DPP10: variants seen among roughly 807,000 people sequenced by gnomAD.
DPP10 encodes the protein dipeptidyl peptidase like 10.
In DPP10, 33 loss-of-function variants were observed where a neutral mutation model predicts 120.9. That is an observed-to-expected ratio of 0.27 (90% CI 0.21 to 0.37). DPP10 has a LOEUF of 0.37. DPP10 is among the 10% of genes least tolerant of loss of function. The pLI is 1.00. For missense variants in DPP10, 816 were observed against 942.8 expected, an observed-to-expected ratio of 0.87 and a Z score of 1.76; for synonymous variants, 337 against 326.1, an observed-to-expected ratio of 1.03 and a Z score of -0.36.
At chr2:115,468,586 G>A (rs941615106) in intron 3 of DPP10, 11 of 393,756 alleles carry the variant, frequency 2.8e-5, no homozygotes, top group East Asian at 1.3e-4. Context: ...ATGGTGGCCC[G>A]GGGAGTTCTG....
At chr2:115,110,194 T>G (rs1337892101) in intron 1 of DPP10, among the ~76,000 whole-genome samples, 1 of 152,220 alleles carries the variant, frequency 6.6e-6, no homozygotes, top group African/African-American at 2.4e-5. Flanking sequence ...AACTTTTTGG[T>G]GATCAACCAT....
chr2:115,455,885 A>G (rs1465469635), intron 3 of DPP10, among the ~76,000 whole-genome samples: 4 of 152,158 alleles, frequency 2.6e-5, no homozygotes, highest in African/African-American at 7.2e-5. Flanking sequence ...CCTAGGCAAT[A>G]CCATTCAGGA....
intron 1 of DPP10, among the ~76,000 whole-genome samples, chr2:114,832,241 G>A (rs1246355631): frequency 6.6e-6 from 1 of 152,192 alleles, no homozygotes; most frequent in East Asian, 1.9e-4. Context: ...AAACAAGTGT[G>A]ATCTGGCCCT....
chr2:115,081,345 T>C (rs187916965), intron 1 of DPP10, among the ~76,000 whole-genome samples: 10 of 152,342 alleles, frequency 6.6e-5, no homozygotes, highest in Admixed American at 2.6e-4. Flanking sequence ...CTCAAGATAA[T>C]TGTTTGCAAG....
chr2:114,800,625 GTTC>G (rs1553430541), intron 1 of DPP10, among the ~76,000 whole-genome samples: 3 of 152,170 alleles, frequency 2.0e-5, no homozygotes, highest in Non-Finnish European at 4.4e-5. Flanking sequence ...GATTGTTATT[GTTC>G]TTCTAGAGAG....
At chr2:115,485,648 A>G (rs921100666) in intron 3 of DPP10, among the ~76,000 whole-genome samples, 1 of 152,118 alleles carries the variant, frequency 6.6e-6, no homozygotes, top group Non-Finnish European at 1.5e-5. Context: ...TAGAGATTTA[A>G]CTGAAATATG....
At chr2:115,764,426 G>GA (rs554123741) in intron 12 of DPP10, among the ~76,000 whole-genome samples, 7 of 151,150 alleles carry the variant, frequency 4.6e-5, no homozygotes, top group African/African-American at 1.2e-4. Context: ...AAATAAAATA[G>GA]AAAAAAAACC....
chr2:115,028,718 A>G (rs1180179074), intron 1 of DPP10, among the ~76,000 whole-genome samples: 2 of 152,048 alleles, frequency 1.3e-5, no homozygotes, highest in Admixed American at 1.3e-4. Context: ...ACTAATGTTT[A>G]CTTTGTACAC....
At chr2:115,266,484 A>G (rs2059467364) in intron 1 of DPP10, among the ~76,000 whole-genome samples, 3 of 152,200 alleles carry the variant, frequency 2.0e-5, no homozygotes, top group Non-Finnish European at 4.4e-5. Context: ...AACTCAAGTG[A>G]AGGATAACTA....
intron 1 of DPP10, among the ~76,000 whole-genome samples, chr2:114,960,573 T>C (rs1018536819): frequency 3.9e-5 from 6 of 152,168 alleles, no homozygotes; most frequent in Non-Finnish European, 7.3e-5. Flanking sequence ...AATATAATTT[T>C]AAGTTTTTCG....
intron 1 of DPP10, among the ~76,000 whole-genome samples, chr2:114,779,903 A>G (rs921213010): frequency 7.2e-5 from 11 of 152,164 alleles, no homozygotes; most frequent in South Asian, 4.1e-4. Flanking sequence ...TTGGGAGGCC[A>G]AGGCGGGCGG....
chr2:114,942,298 C>CATATATATATATATATATATATAT (rs752991108), intron 1 of DPP10, among the ~76,000 whole-genome samples: 2 of 104,690 alleles, frequency 1.9e-5, no homozygotes, highest in African/African-American at 7.9e-5. Context: ...TATATATATA[C>CATATATATATATATATATATATAT]ATATATATAT....
intron 3 of DPP10, among the ~76,000 whole-genome samples, chr2:115,489,894 C>G (rs1474080241): frequency 1.3e-5 from 2 of 152,110 alleles, no homozygotes; most frequent in Non-Finnish European, 2.9e-5. Context: ...CATTTACCAT[C>G]TATTCTCTCT....
intron 1 of DPP10, among the ~76,000 whole-genome samples, chr2:115,166,537 A>G (rs1229235149): frequency 6.8e-6 from 1 of 146,230 alleles, no homozygotes; most frequent in South Asian, 2.1e-4. Flanking sequence ...ATATATATAA[A>G]TTTATAATAT....
intron 24 of DPP10, among the ~76,000 whole-genome samples, chr2:115,839,378 T>G (rs1015749976): frequency 2.6e-5 from 4 of 152,190 alleles, no homozygotes; most frequent in Admixed American, 2.6e-4. Flanking sequence ...CAACGACAAT[T>G]AAAAATGTTA....
intron 5 of DPP10, among the ~76,000 whole-genome samples, chr2:115,687,096 G>T (rs1237467962): frequency 6.6e-6 from 1 of 152,046 alleles, no homozygotes; most frequent in Non-Finnish European, 1.5e-5. Flanking sequence ...GAGAGAAAGA[G>T]ATGCAGATTA....
At position 115,666,415 on chromosome 2, in the gene DPP10, C is replaced by T. The variant is rs751317726; in HGVS notation, c.442-23272C>T. Among the ~76,000 whole-genome samples, 7 of 152,156 alleles carry T rather than the reference C, an allele frequency of 4.6e-5. No individual in the cohort carries two copies. The East Asian group carries it at 7.7e-4, about 17-fold the overall frequency. On this transcript the variant is annotated intron_variant, in intron 5 of 25. Coordinates refer to ENST00000410059, the MANE Select transcript of DPP10 (RefSeq NM_020868.6). ...TCTCATGAGAACTCGCTCACTATCA[C>T]GAGAACATCATGGAAGAAAACCACC...
chr2:114,914,814 T>C (rs975396862), intron 1 of DPP10, among the ~76,000 whole-genome samples: 3 of 152,140 alleles, frequency 2.0e-5, no homozygotes, highest in African/African-American at 7.2e-5. Context: ...CCATCTCCCA[T>C]GCAATGACAC....
intron 1 of DPP10, among the ~76,000 whole-genome samples, chr2:114,986,451 T>C (rs935656106): frequency 4.6e-5 from 7 of 152,192 alleles, no homozygotes; most frequent in Non-Finnish European, 8.8e-5. Flanking sequence ...CATTTACACC[T>C]GCTTCCCTGA....
Sources: allele counts gnomAD v4.1 joint callset (sites outside exome capture counted in the v4.1 genomes callset), GRCh38; gene constraint gnomAD v4.1.1; transcripts MANE v1.5; gene names NCBI Gene and HGNC (gene_info 2026-07-23, HGNC 2026-07-21).